MAP3K12: variants seen among roughly 807,000 people sequenced by gnomAD.
MAP3K12 encodes mitogen-activated protein kinase kinase kinase 12, also known as MAPK-upstream kinase.
MAP3K12 carries 14 observed loss-of-function variants against 87.5 expected under a neutral mutation model. That is an observed-to-expected ratio of 0.16 (90% CI 0.11 to 0.25). The LOEUF (loss-of-function observed/expected upper bound fraction) is 0.25, where lower values mean the gene tolerates loss of function less well. Ranked by LOEUF, MAP3K12 falls within the 10% of genes least tolerant of loss-of-function variation. MAP3K12 has a pLI of 1.00. For missense variants in MAP3K12, 802 were observed against 1,140.4 expected, an observed-to-expected ratio of 0.70 and a Z score of 4.27; for synonymous variants, 469 against 452.5, an observed-to-expected ratio of 1.04 and a Z score of -0.46.
At chr12:53,489,437 T>C (rs1051487701) in intron 1 of MAP3K12, among the ~76,000 whole-genome samples, 3 of 152,216 alleles carry the variant, frequency 2.0e-5, no homozygotes, top group Admixed American at 6.5e-5. Context: ...AAACTGGCTG[T>C]CACTAAGGCA....
At position 53,486,858 on chromosome 12, in the gene MAP3K12, AG is replaced by A; in HGVS notation, c.445+88del. The A allele has an allele frequency of 6.4e-7, 1 of 1,568,282 alleles. No individual in the cohort carries two copies. Among genetic ancestry groups the A allele is most frequent in the Non-Finnish European group, 8.7e-7 (1 of 1,155,190 alleles). On this transcript the variant is annotated intron_variant, in intron 2 of 13. Coordinates refer to ENST00000547488, the MANE Select transcript of MAP3K12 (RefSeq NM_001193511.2). The surrounding 1 kb of genome is among the most constrained non-coding windows in gnomAD (Gnocchi z 4.9). ...ACTAGGGCTGGGCCATGGGGAGGGA[AG>A]GGACCATTGCGTGACTTTAGCGGAG...
At chr12:53,491,608 T>C (rs1170995583) in intron 1 of MAP3K12, among the ~76,000 whole-genome samples, 1 of 151,510 alleles carries the variant, frequency 6.6e-6, no homozygotes, top group Admixed American at 6.6e-5. Context: ...TAATTTTTTC[T>C]GTGTTTAGTA....
chr12:53,481,156 CTATG>C lies in MAP3K12; in HGVS notation c.*22_*25del. ...ATATATAATTTATATAAATATTTCT[CTATG>C]TACAAGGAATACGAGTGGCTTTCAT... On this transcript the variant is annotated 3_prime_UTR_variant, in exon 14 of 14. Transcript: ENST00000547488. The C allele has an allele frequency of 8.6e-7, 1 of 1,160,530 alleles. No individual in the cohort carries two copies. Among genetic ancestry groups the C allele is most frequent in the Non-Finnish European group, 1.1e-6 (1 of 879,970 alleles). The allele number at this position is 1,160,530 out of a possible 1,614,324, so 71.9% of individuals were successfully genotyped here. A position where few individuals can be genotyped will look rare whatever the true frequency, so the allele number is the denominator to read the frequency against.
intron 1 of MAP3K12, among the ~76,000 whole-genome samples, chr12:53,494,486 A>T (rs1333571581): frequency 6.6e-6 from 1 of 152,130 alleles, no homozygotes; most frequent in Non-Finnish European, 1.5e-5. Flanking sequence ...GTCACCCCCC[A>T]TCTATCCCAC....
chr12:53,501,474 G>A (rs760495647), upstream of MAP3K12: 5 of 1,562,178 alleles, frequency 3.2e-6, no homozygotes, highest in South Asian at 3.5e-5. Context: ...GAGCCGTCTC[G>A]TACCGATTCC....
intron 1 of MAP3K12, among the ~76,000 whole-genome samples, chr12:53,494,504 G>T (rs773056833): frequency 5.3e-5 from 8 of 152,148 alleles, no homozygotes; most frequent in African/African-American, 9.7e-5. Context: ...CACCTTCTAG[G>T]TTCTCTGGCC....
intron 8 of MAP3K12, 51 bp from the exon 9 acceptor site, chr12:53,483,774 A>G (rs560403673): frequency 1.1e-5 from 18 of 1,613,046 alleles, no homozygotes; most frequent in South Asian, 7.7e-5. Context: ...ACCTAGGGCC[A>G]TAACAGATCT....
chr12:53,491,125 TA>T (rs1943386466), intron 1 of MAP3K12, among the ~76,000 whole-genome samples: 1 of 150,076 alleles, frequency 6.7e-6, no homozygotes, highest in Non-Finnish European at 1.5e-5. Context: ...CCGTCTCTAC[TA>T]AAATACAAAA....
At position 53,483,182 on chromosome 12, in the gene MAP3K12, T is replaced by C; in HGVS notation, c.1621A>G (p.Ile541Val). 6.6e-7 allele frequency: 1 copy of C among 1,525,452 alleles called. No individual in the cohort carries two copies. Among genetic ancestry groups the C allele is most frequent in the Non-Finnish European group, 8.8e-7 (1 of 1,139,066 alleles). 94.5% of individuals were successfully genotyped at this position (1,525,452 alleles called of 1,614,324 possible). Residue 541 changes from isoleucine (I) to valine (V), a missense_variant, in exon 11 of 14, where the codon ATC (isoleucine) becomes GTC (valine). Coordinates refer to ENST00000547488, the MANE Select transcript of MAP3K12 (RefSeq NM_001193511.2). The part of the protein sequence containing the change: ...KLSPHSKRPD[I>V]LKTESLLPKL... ...GGGAGCAAAGACTCCGTCTTGAGGA[T>C]ATCTGGCCTGGAAGAAGAGGAAAAG...
intron 1 of MAP3K12, among the ~76,000 whole-genome samples, chr12:53,489,954 A>C (rs1943355041): frequency 1.3e-5 from 2 of 152,152 alleles, no homozygotes; most frequent in South Asian, 4.1e-4. Flanking sequence ...GCTGGTCTCC[A>C]AGTGCCCTCC....
intron 1 of MAP3K12, among the ~76,000 whole-genome samples, chr12:53,497,763 G>C (rs778662333): frequency 9.2e-5 from 14 of 152,108 alleles, no homozygotes; most frequent in Admixed American, 1.3e-4. Context: ...CTGAATGTAG[G>C]GGTGATCTCC....
At chr12:53,488,890 G>A (rs1943320768) in intron 1 of MAP3K12, among the ~76,000 whole-genome samples, 1 of 151,186 alleles carries the variant, frequency 6.6e-6, no homozygotes, top group South Asian at 2.1e-4. Context: ...GACCAGCCTG[G>A]CCAACATGGC....
intron 10 of MAP3K12, 58 bp downstream of exon 10, chr12:53,483,291 C>T (rs1943130187): frequency 1.9e-6 from 3 of 1,592,922 alleles, no homozygotes; most frequent in Admixed American, 1.7e-5. Flanking sequence ...TGCTAATATA[C>T]CTGTTGCCAC....
upstream of MAP3K12, chr12:53,501,484 C>T (rs1943701190): frequency 6.4e-7 from 1 of 1,558,804 alleles, no homozygotes; most frequent in Non-Finnish European, 8.7e-7. Flanking sequence ...GTACCGATTC[C>T]TTCAGGGCGA....
Position 53,482,642 on chromosome 12 carries a change from G to T in MAP3K12, c.2161C>A (p.Arg721=), listed in dbSNP as rs749583695. Reference sequence around the variant, plus strand: ...TGGGACCCAGCCCGGCTTCCTCCCCGGCCTGAGGTCCCTTCCCTTCCAGTT... The same window carrying T: ...TGGGACCCAGCCCGGCTTCCTCCCCTGCCTGAGGTCCCTTCCCTTCCAGTT... The part of the protein sequence containing the change: ...LGTGREGTSG[R]GGSRAGSQHL... Residue 721 remains arginine, a synonymous_variant, in exon 11 of 14, where the codon CGG becomes AGG. Transcript: ENST00000547488. 2 of 1,613,890 alleles carry T rather than the reference G, an allele frequency of 1.2e-6. No individual in the cohort carries two copies. Among genetic ancestry groups the T allele is most frequent in the East Asian group, 4.5e-5 (2 of 44,864 alleles).
upstream of MAP3K12, chr12:53,499,737 C>T (rs933969579): frequency 2.6e-5 from 4 of 152,180 alleles, no homozygotes; most frequent in African/African-American, 7.2e-5. Context: ...GCGATGGAGC[C>T]GCCGGCCTCT....
Position 53,486,271 on chromosome 12 carries a change from A to G in MAP3K12, c.630-24T>C, listed in dbSNP as rs1398031169. 2 of 1,580,602 alleles carry G rather than the reference A, an allele frequency of 1.3e-6. No homozygotes were observed. Among genetic ancestry groups the G allele is most frequent in the Non-Finnish European group, 1.7e-6 (2 of 1,161,652 alleles). On this transcript the variant is annotated intron_variant, in intron 3 of 13. Transcript: ENST00000547488. This position sits in a 1 kb window ranked among gnomAD's most constrained non-coding sequence, Gnocchi z 4.9. Reference sequence around the variant, plus strand: ...CCCTGGGAGCCAAACAATGGTATGAAGGCCTCAGCTGGCTCAGCATTCACC... The same window carrying G: ...CCCTGGGAGCCAAACAATGGTATGAGGGCCTCAGCTGGCTCAGCATTCACC...
chr12:53,498,915 T>A (rs1208974130), intron 1 of MAP3K12, among the ~76,000 whole-genome samples: 1 of 628 alleles, frequency 1.6e-3, no homozygotes, highest in Non-Finnish European at 9.6e-3. Context: ...CTGCTGTGTG[T>A]GTGTGTGTGT....
At chr12:53,498,001 C>T (rs1943576143) in intron 1 of MAP3K12, among the ~76,000 whole-genome samples, 1 of 152,164 alleles carries the variant, frequency 6.6e-6, no homozygotes, top group South Asian at 2.1e-4. Flanking sequence ...CCTAGGAAAT[C>T]CTGAGCCATG....
Sources: allele counts gnomAD v4.1 joint callset (sites outside exome capture counted in the v4.1 genomes callset), GRCh38; gene constraint gnomAD v4.1.1; non-coding constraint Gnocchi (gnomAD v3.1); transcripts MANE v1.5; gene names NCBI Gene and HGNC (gene_info 2026-07-23, HGNC 2026-07-21).